The following GRM8 variants were observed in gnomAD, a reference collection of about 807,000 sequenced individuals.
GRM8 encodes the protein glutamate metabotropic receptor 8, also known as metabotropic glutamate receptor 8.
A neutral mutation model predicts 87.2 loss-of-function variants in GRM8; 47 were observed. That is an observed-to-expected ratio of 0.54 (90% CI 0.43 to 0.69). The LOEUF is 0.69. GRM8 is among the 30% of genes least tolerant of loss of function. GRM8 has a pLI of 0.00. For synonymous variants in GRM8, 396 were observed against 404.5 expected, an observed-to-expected ratio of 0.98 and a Z score of 0.25; for missense variants, 1,019 against 1,139.2, an observed-to-expected ratio of 0.89 and a Z score of 1.52.
chr7:127,020,052 A>G (rs974740556), intron 3 of GRM8, among the ~76,000 whole-genome samples: 12 of 152,138 alleles, frequency 7.9e-5, no homozygotes, highest in East Asian at 1.9e-4. Flanking sequence ...GTGTAACACA[A>G]AAAGTGAGTT....
Position 126,831,052 on chromosome 7 carries a change from G to A in GRM8, c.1157-60987C>T, listed in dbSNP as rs554303161. 2.7e-3 allele frequency among the ~76,000 whole-genome samples: 412 copies of A among 152,310 alleles called. 1 individual carries two copies. The highest frequency in any genetic ancestry group is 4.8e-3 in the Non-Finnish European group (329 of 68,026). ...GATCCACGAATGCTGCTGTCTGATC[G>A]TTCCCCTGGAAGTTTTGTCTCAGAG... On this transcript the variant is annotated intron_variant, in intron 6 of 10. Coordinates refer to ENST00000339582, the MANE Select transcript of GRM8 (RefSeq NM_000845.3).
At chr7:126,610,900 G>A (rs572331392) in intron 7 of GRM8, among the ~76,000 whole-genome samples, 2 of 152,182 alleles carry the variant, frequency 1.3e-5, no homozygotes, top group South Asian at 2.1e-4. Flanking sequence ...AGATGGCACC[G>A]CATGGAAGAA....
At chr7:126,874,247 C>G (rs1799353585) in intron 6 of GRM8, among the ~76,000 whole-genome samples, 1 of 152,034 alleles carries the variant, frequency 6.6e-6, no homozygotes, top group Non-Finnish European at 1.5e-5. Flanking sequence ...AAAGGAGGTG[C>G]ATGACTGGGG....
chr7:126,985,158 T>A (rs1811927368), intron 3 of GRM8, among the ~76,000 whole-genome samples: 1 of 152,156 alleles, frequency 6.6e-6, no homozygotes, highest in Non-Finnish European at 1.5e-5. Flanking sequence ...CAACTTTATA[T>A]ATATTAATAT....
intron 7 of GRM8, among the ~76,000 whole-genome samples, chr7:126,612,119 G>A (rs1432981146): frequency 6.6e-6 from 1 of 151,948 alleles, no homozygotes; most frequent in Admixed American, 6.6e-5. Context: ...CACCTCAGAG[G>A]GATATATAAG....
At chr7:127,088,019 C>T (rs1196546872) in intron 3 of GRM8, among the ~76,000 whole-genome samples, 3 of 152,114 alleles carry the variant, frequency 2.0e-5, no homozygotes, top group African/African-American at 4.8e-5. Flanking sequence ...ATTTAGAAAC[C>T]ATAAAAAGAA....
chr7:127,126,639 TA>T (rs980535070), intron 2 of GRM8, among the ~76,000 whole-genome samples: 2 of 151,882 alleles, frequency 1.3e-5, no homozygotes, highest in African/African-American at 4.8e-5. Context: ...ATACTACTAA[TA>T]AAACTATTAG....
intron 9 of GRM8, among the ~76,000 whole-genome samples, chr7:126,464,193 T>G (rs1804227539): frequency 6.6e-6 from 1 of 151,732 alleles, no homozygotes; most frequent in South Asian, 2.1e-4. Flanking sequence ...TATCTTCCAC[T>G]TCTTTTACTG....
At chr7:126,493,124 A>G (rs1186111910) in intron 9 of GRM8, among the ~76,000 whole-genome samples, 1 of 152,024 alleles carries the variant, frequency 6.6e-6, no homozygotes, top group African/African-American at 2.4e-5. Flanking sequence ...ATCTAGTAAA[A>G]CTGCTCCACT....
chr7:126,909,795 T>A (rs1265021428), intron 3 of GRM8, among the ~76,000 whole-genome samples: 1 of 152,164 alleles, frequency 6.6e-6, no homozygotes, highest in Non-Finnish European at 1.5e-5. Flanking sequence ...AAGGTTTGCA[T>A]CATGACCATC....
chr7:126,663,001 T>A (rs1468522535), intron 7 of GRM8, among the ~76,000 whole-genome samples: 1 of 152,238 alleles, frequency 6.6e-6, no homozygotes, highest in East Asian at 1.9e-4. Context: ...CTCTCAGCCA[T>A]GTTCACTTAT....
intron 2 of GRM8, among the ~76,000 whole-genome samples, chr7:127,126,749 C>T (rs1827395823): frequency 6.6e-6 from 1 of 151,792 alleles, no homozygotes; most frequent in South Asian, 2.1e-4. Flanking sequence ...TTGGAATTCA[C>T]CAAAATAAGA....
At position 127,136,525 on chromosome 7, in the gene GRM8, A is replaced by G. The variant is rs575387065; in HGVS notation, c.511-29813T>C. ...AAGATATTTAAAACATAAATTTAGT[A>G]GGTTGTGACAGATCAGAGACTTCTC... On this transcript the variant is annotated intron_variant, in intron 2 of 10. Transcript: ENST00000339582. 1.7e-4 allele frequency among the ~76,000 whole-genome samples: 26 copies of G among 152,212 alleles called. No individual in the cohort carries two copies. In the South Asian group the frequency reaches 5.0e-3, roughly 29 times the overall value.
chr7:126,943,046 T>C (rs1490198528), intron 3 of GRM8, among the ~76,000 whole-genome samples: 3 of 152,174 alleles, frequency 2.0e-5, no homozygotes, highest in East Asian at 1.9e-4. Flanking sequence ...ACCTGACTAA[T>C]AAGCTCCCAA....
chr7:126,829,810 T>C (rs1455770124), intron 6 of GRM8, among the ~76,000 whole-genome samples: 1 of 152,194 alleles, frequency 6.6e-6, no homozygotes, highest in Admixed American at 6.5e-5. Flanking sequence ...ATGGTCTTTA[T>C]ATTTTGGCAT....
At chr7:127,096,927 T>C (rs1824714655) in intron 3 of GRM8, among the ~76,000 whole-genome samples, 1 of 152,218 alleles carries the variant, frequency 6.6e-6, no homozygotes, top group Non-Finnish European at 1.5e-5. Context: ...GCATAAGGCA[T>C]GGTTGGAAGC....
intron 3 of GRM8, among the ~76,000 whole-genome samples, chr7:127,042,116 C>A (rs1818482668): frequency 6.6e-6 from 1 of 152,166 alleles, no homozygotes; most frequent in African/African-American, 2.4e-5. Context: ...ATTACCATTC[C>A]TTCCCCCAGC....
chr7:126,649,776 AG>A (rs1803589253), intron 7 of GRM8, among the ~76,000 whole-genome samples: 1 of 152,152 alleles, frequency 6.6e-6, no homozygotes, highest in Non-Finnish European at 1.5e-5. Context: ...GTGACCCAAA[AG>A]GCTGCCAGTT....
intron 8 of GRM8, among the ~76,000 whole-genome samples, chr7:126,589,969 T>C (rs1796525770): frequency 1.3e-5 from 2 of 152,038 alleles, no homozygotes; most frequent in Non-Finnish European, 2.9e-5. Context: ...AAAACAAGGT[T>C]GTTTAGCACC....
Sources: gnomAD v4.1 joint callset for allele counts (sites outside exome capture counted in the v4.1 genomes callset) on GRCh38, gnomAD v4.1.1 for gene constraint, MANE v1.5 for transcripts, NCBI Gene and HGNC (gene_info 2026-07-23, HGNC 2026-07-21) for gene names.